The following SV2C variants were observed in gnomAD, a reference collection of about 807,000 sequenced individuals.
SV2C encodes the protein synaptic vesicle glycoprotein 2C, also known as solute carrier family 22 member B3.
A neutral mutation model predicts 79.7 loss-of-function variants in SV2C; 49 were observed. That is an observed-to-expected ratio of 0.61 (90% CI 0.49 to 0.78). The LOEUF (loss-of-function observed/expected upper bound fraction) is 0.78. Among genes scored for constraint, SV2C ranks in the 30% least tolerant of loss-of-function variants. SV2C has a pLI of 0.00. For synonymous variants in SV2C, 334 were observed against 333.2 expected, an observed-to-expected ratio of 1.00 and a Z score of -0.03; for missense variants, 833 against 912.9, an observed-to-expected ratio of 0.91 and a Z score of 1.13.
intron 12 of SV2C, among the ~76,000 whole-genome samples, chr5:76,321,202 AG>A (rs1223041793): frequency 6.6e-6 from 1 of 152,224 alleles, no homozygotes; most frequent in Non-Finnish European, 1.5e-5. Context: ...GACTTGTCAA[AG>A]AAAAACCCAC....
the SV2C span, among the ~76,000 whole-genome samples, chr5:75,981,526 C>T: frequency 6.6e-6 from 1 of 152,026 alleles, no homozygotes; most frequent in African/African-American, 2.4e-5. Flanking sequence ...GGTACATAGA[C>T]CAATGGAACA....
chr5:75,858,866 A>T, the SV2C span, among the ~76,000 whole-genome samples: 1 of 152,062 alleles, frequency 6.6e-6, no homozygotes, highest in Admixed American at 6.5e-5. Flanking sequence ...TTCTATTCCC[A>T]ATTTTTGGCA....
At chr5:76,027,301 A>G in the SV2C span, among the ~76,000 whole-genome samples, 2 of 151,992 alleles carry the variant, frequency 1.3e-5, no homozygotes, top group East Asian at 3.9e-4. Context: ...ACCTCAGGTG[A>G]TCCACCCGCC....
At chr5:76,288,611 A>T (rs1007449571) in intron 6 of SV2C, among the ~76,000 whole-genome samples, 2 of 152,236 alleles carry the variant, frequency 1.3e-5, no homozygotes, top group East Asian at 1.9e-4. Flanking sequence ...GTGTCTCTAT[A>T]GGGCCTCATT....
At chr5:75,964,973 A>G in the SV2C span, among the ~76,000 whole-genome samples, 125 of 152,324 alleles carry the variant, frequency 8.2e-4, 1 homozygote, top group Non-Finnish European at 1.2e-3. Context: ...ACAAACCGCA[A>G]CTACAATAGT....
intron 1 of SV2C, among the ~76,000 whole-genome samples, chr5:76,130,915 AG>A (rs1748867316): frequency 6.6e-6 from 1 of 152,172 alleles, no homozygotes; most frequent in African/African-American, 2.4e-5. Context: ...CTGTCCCTGA[AG>A]GCCTGGGGGT....
At chr5:75,925,180 T>A in the SV2C span, among the ~76,000 whole-genome samples, 1 of 152,196 alleles carries the variant, frequency 6.6e-6, no homozygotes, top group African/African-American at 2.4e-5. Flanking sequence ...AGCTGGGAAG[T>A]TCTAAAATGT....
At chr5:76,303,795 T>C (rs1021584615) in intron 12 of SV2C, among the ~76,000 whole-genome samples, 1 of 152,210 alleles carries the variant, frequency 6.6e-6, no homozygotes, top group Admixed American at 6.5e-5. Context: ...ATGAAGCAGA[T>C]GTCAGGATGG....
the SV2C span, among the ~76,000 whole-genome samples, chr5:75,868,448 G>A: frequency 6.6e-6 from 1 of 152,154 alleles, no homozygotes; most frequent in Non-Finnish European, 1.5e-5. Context: ...GGAGGAGAGT[G>A]AGACTAGAAG....
chr5:76,172,461 G>C (rs1418524624), intron 2 of SV2C, among the ~76,000 whole-genome samples: 128 of 86,660 alleles, frequency 1.5e-3, no homozygotes, highest in African/African-American at 6.1e-3. Flanking sequence ...CGCCCTGTCC[G>C]GGAGGTGAGG....
At chr5:75,929,915 T>G in the SV2C span, among the ~76,000 whole-genome samples, 1 of 152,214 alleles carries the variant, frequency 6.6e-6, no homozygotes, top group South Asian at 2.1e-4. Context: ...TTAATATACA[T>G]TTGGATAATT....
the SV2C span, among the ~76,000 whole-genome samples, chr5:75,961,741 A>G: frequency 6.6e-6 from 1 of 152,056 alleles, no homozygotes; most frequent in South Asian, 2.1e-4. Context: ...CACATATTAC[A>G]TTTAGATCAA....
At chr5:75,862,967 G>A in the SV2C span, among the ~76,000 whole-genome samples, 1 of 152,128 alleles carries the variant, frequency 6.6e-6, no homozygotes, top group Non-Finnish European at 1.5e-5. Flanking sequence ...TAACAGTATT[G>A]GTGTGAACTC....
At chr5:76,115,831 T>C (rs1748246745) in intron 1 of SV2C, among the ~76,000 whole-genome samples, 1 of 152,222 alleles carries the variant, frequency 6.6e-6, no homozygotes, top group Admixed American at 6.5e-5. Flanking sequence ...TCAAAAGTCC[T>C]GGGTGATATG....
the SV2C span, among the ~76,000 whole-genome samples, chr5:75,906,831 C>G: frequency 6.6e-6 from 1 of 152,140 alleles, no homozygotes; most frequent in Non-Finnish European, 1.5e-5. Flanking sequence ...CACCCCACCC[C>G]CATGGAAATT....
At chr5:75,923,443 C>A in the SV2C span, among the ~76,000 whole-genome samples, 1 of 152,072 alleles carries the variant, frequency 6.6e-6, no homozygotes, top group Non-Finnish European at 1.5e-5. Flanking sequence ...AACTAAGAAG[C>A]TCTGCACAGC....
the SV2C span, among the ~76,000 whole-genome samples, chr5:75,988,188 AT>A: frequency 2.0e-5 from 3 of 151,876 alleles, no homozygotes; most frequent in South Asian, 6.2e-4. Context: ...ATTTTTTCCT[AT>A]TTAACATTAT....
intron 1 of SV2C, among the ~76,000 whole-genome samples, chr5:76,101,284 G>A (rs142233206): frequency 4.6e-4 from 70 of 152,258 alleles, no homozygotes; most frequent in South Asian, 4.2e-4. Context: ...TACCTTTATC[G>A]GAACCACACA....
At chr5:75,898,115 A>T in the SV2C span, among the ~76,000 whole-genome samples, 1 of 152,098 alleles carries the variant, frequency 6.6e-6, no homozygotes, top group Non-Finnish European at 1.5e-5. Flanking sequence ...GTTGAATAGG[A>T]GTAGTGAGAG....
Sources: gnomAD v4.1 joint callset for allele counts (sites outside exome capture counted in the v4.1 genomes callset) on GRCh38, gnomAD v4.1.1 for gene constraint, MANE v1.5 for transcripts, NCBI Gene and HGNC (gene_info 2026-07-23, HGNC 2026-07-21) for gene names.